ELL2: variants seen among roughly 807,000 people sequenced by gnomAD.
ELL2 encodes elongation factor for RNA polymerase II 2.
In ELL2, 21 loss-of-function variants were observed where a neutral mutation model predicts 72.8. The observed-to-expected ratio is 0.29, with a 90% CI of 0.20 to 0.42. ELL2 has a LOEUF of 0.42. ELL2 is among the 10% of genes least tolerant of loss of function. ELL2 has a pLI of 1.00. For synonymous variants in ELL2, 266 were observed against 283.2 expected, an observed-to-expected ratio of 0.94 and a Z score of 0.61; for missense variants, 568 against 772.8, an observed-to-expected ratio of 0.73 and a Z score of 3.14.
At chr5:95,894,792 G>C (rs1004740864) in intron 9 of ELL2, among the ~76,000 whole-genome samples, 3 of 152,162 alleles carry the variant, frequency 2.0e-5, no homozygotes, top group Non-Finnish European at 4.4e-5. Context: ...GAAATGAAAA[G>C]GGCTAAACAG....
chr5:95,913,598 T>C, intron 4 of ELL2, 173 bp downstream of exon 4: 1 of 605,148 alleles, frequency 1.7e-6, no homozygotes, highest in Non-Finnish European at 2.6e-6. Flanking sequence ...TGCTCTTCAA[T>C]TTACTGGCAG....
intron 1 of ELL2, among the ~76,000 whole-genome samples, chr5:95,959,571 C>G (rs543667215): frequency 1.3e-5 from 2 of 152,338 alleles, no homozygotes; most frequent in East Asian, 3.9e-4. Context: ...ATGGGCCTCC[C>G]ACTCCGTCTG....
chr5:95,905,340 T>C (rs973935987), intron 5 of ELL2, among the ~76,000 whole-genome samples: 1 of 152,194 alleles, frequency 6.6e-6, no homozygotes, highest in Non-Finnish European at 1.5e-5. Flanking sequence ...TATGTGTGAA[T>C]TGCCTCTGCA....
At chr5:95,911,487 G>A (rs567746177) in intron 4 of ELL2, among the ~76,000 whole-genome samples, 9 of 152,142 alleles carry the variant, frequency 5.9e-5, no homozygotes, top group Non-Finnish European at 8.8e-5. Flanking sequence ...ACAGGTGCAC[G>A]CCATCATGCC....
In ELL2 at chr5:95,889,000, A is replaced by T; in HGVS notation, c.1807-13T>A. ...AATTGGGACTAGACTGCAGATGAAA[A>T]AAAAAAAAAAAAAAGAGGAATGAGA... On this transcript the variant is annotated splice_polypyrimidine_tract_variant and intron_variant, in intron 11 of 11. Transcript: ENST00000237853. 7.6e-7 allele frequency: 1 copy of T among 1,317,054 alleles called. No individual in the cohort carries two copies. Among genetic ancestry groups the T allele is most frequent in the East Asian group, 2.8e-5 (1 of 35,998 alleles). 81.6% of individuals were successfully genotyped at this position (1,317,054 alleles called of 1,614,324 possible).
chr5:95,891,914 G>C (rs991957559), intron 9 of ELL2, among the ~76,000 whole-genome samples: 1 of 152,140 alleles, frequency 6.6e-6, no homozygotes, highest in Non-Finnish European at 1.5e-5. Flanking sequence ...CCAAAAAAAG[G>C]CATATTTCTC....
At chr5:95,941,550 T>C (rs1261067197) in intron 2 of ELL2, among the ~76,000 whole-genome samples, 1 of 152,206 alleles carries the variant, frequency 6.6e-6, no homozygotes, top group Non-Finnish European at 1.5e-5. Context: ...ATTTAGGGTT[T>C]TGGCATAACT....
intron 2 of ELL2, among the ~76,000 whole-genome samples, chr5:95,928,279 T>C (rs1750469299): frequency 6.6e-6 from 1 of 152,156 alleles, no homozygotes; most frequent in Admixed American, 6.5e-5. Flanking sequence ...AAAATCTAAA[T>C]AGTTTCTTCA....
chr5:95,948,636 T>C (rs3777170), intron 1 of ELL2, among the ~76,000 whole-genome samples: 48,050 of 151,542 alleles, frequency 0.32, 8,884 homozygotes, highest in African/African-American at 0.52. Context: ...TGACCTCAAC[T>C]CATTGTATCT....
At chr5:95,934,953 A>G (rs931241945) in intron 2 of ELL2, among the ~76,000 whole-genome samples, 1 of 152,214 alleles carries the variant, frequency 6.6e-6, no homozygotes, top group African/African-American at 2.4e-5. Flanking sequence ...CAACTTTAAC[A>G]TATTTGTTTC....
intron 1 of ELL2, among the ~76,000 whole-genome samples, chr5:95,957,557 C>T (rs3777164): frequency 0.39 from 58,679 of 151,968 alleles, 13,457 homozygotes; most frequent in East Asian, 0.84. Context: ...TAACATGATA[C>T]ACAATCAACT....
Position 95,919,449 on chromosome 5 carries a change from C to G in ELL2, c.292G>C (p.Asp98His). The change falls in exon 3 of 12, where the codon GAC (aspartate) becomes CAC (histidine). Residue 98 changes from aspartate to histidine, a missense_variant. Coordinates refer to ENST00000237853, the MANE Select transcript of ELL2 (RefSeq NM_012081.6). The stretch of plus-strand genomic sequence containing the variant: ...CTGGAGAATGTTTGCTGGATGCAGT[C>G]AAAGCTGCCCTGAGGGTTGTCTTTG... Reference protein sequence around the residue: ...VGKDNPQGSFDCIQQTFSSSG... With the variant: ...VGKDNPQGSFHCIQQTFSSSG... 1 of 1,591,598 alleles carries G rather than the reference C, an allele frequency of 6.3e-7. No homozygotes were observed. Among genetic ancestry groups the G allele is most frequent in the Non-Finnish European group, 8.5e-7 (1 of 1,172,790 alleles).
chr5:95,954,784 C>A (rs1261316466), intron 1 of ELL2, among the ~76,000 whole-genome samples: 1 of 151,776 alleles, frequency 6.6e-6, no homozygotes, highest in African/African-American at 2.4e-5. Context: ...TCCTACCTCT[C>A]CCACCAACAC....
intron 1 of ELL2, among the ~76,000 whole-genome samples, chr5:95,943,379 G>A (rs1250202842): frequency 6.6e-6 from 1 of 151,980 alleles, no homozygotes; most frequent in Non-Finnish European, 1.5e-5. Context: ...AAGATGCCTT[G>A]GATGAACCAT....
intron 1 of ELL2, among the ~76,000 whole-genome samples, chr5:95,956,474 G>C (rs979828553): frequency 1.3e-5 from 2 of 152,170 alleles, no homozygotes; most frequent in African/African-American, 4.8e-5. Flanking sequence ...AAACCTCACT[G>C]TTTTACTTAA....
rs1446765823 is a variant in ELL2 at position 95,941,020 on chromosome 5, G to A, written c.195+1982C>T. Among the ~76,000 whole-genome samples the A allele has an allele frequency of 2.6e-5, 4 of 152,108 alleles. No individual in the cohort carries two copies. In the East Asian group the frequency reaches 7.7e-4, roughly 29 times the overall value. On this transcript the variant is annotated intron_variant, in intron 2 of 11. Transcript: ENST00000237853. Reference sequence around the variant, plus strand: ...CAGCTGCAGGCTCTAAAACAATGCTGAGTCCATATATTTTGTTCCCAGTTA... The same window carrying A: ...CAGCTGCAGGCTCTAAAACAATGCTAAGTCCATATATTTTGTTCCCAGTTA...
rs547535783 is a variant in ELL2, at chr5:95,913,229, A to G, written c.481+542T>C. On this transcript the variant is annotated intron_variant, in intron 4 of 11. Transcript: ENST00000237853. ...GATGAGGATCACAACTGAGGAACCA[A>G]AGAGACATCAGTCTAATGCTCTGTT... 2.0e-5 allele frequency: 3 copies of G among 152,390 alleles called. No homozygotes were observed. The East Asian group carries it at 5.8e-4, about 29-fold the overall frequency. The allele number at this position is 152,390 out of a possible 1,614,324, so 9.4% of individuals were successfully genotyped here. A position where few individuals can be genotyped will look rare whatever the true frequency, so the allele number is the denominator to read the frequency against.
intron 3 of ELL2, among the ~76,000 whole-genome samples, chr5:95,914,972 G>A (rs774574650): frequency 4.6e-5 from 7 of 152,146 alleles, no homozygotes; most frequent in Non-Finnish European, 1.0e-4. Context: ...GTCATAACTG[G>A]TATTTTATAA....
At chr5:95,942,229 G>A (rs932653124) in intron 2 of ELL2, among the ~76,000 whole-genome samples, 3 of 151,990 alleles carry the variant, frequency 2.0e-5, no homozygotes, top group Non-Finnish European at 4.4e-5. Context: ...TCCTCCCTCA[G>A]CTTATGTTTT....
Sources: allele counts gnomAD v4.1 joint callset (sites outside exome capture counted in the v4.1 genomes callset), GRCh38; gene constraint gnomAD v4.1.1; transcripts MANE v1.5; gene names NCBI Gene and HGNC (gene_info 2026-07-23, HGNC 2026-07-21).